PRELID2: variants seen among roughly 807,000 people sequenced by gnomAD.
The protein encoded by PRELID2 is PRELI domain containing 2.
PRELID2 carries 25 observed loss-of-function variants against 28.4 expected under a neutral mutation model. That is an observed-to-expected ratio of 0.88 (90% CI 0.64 to 1.23). PRELID2 has a LOEUF of 1.23. PRELID2 is among the 50% of genes most tolerant of loss of function. The pLI is 0.00. For synonymous variants in PRELID2, 76 were observed against 71.6 expected, an observed-to-expected ratio of 1.06 and a Z score of -0.31; for missense variants, 201 against 214.4, an observed-to-expected ratio of 0.94 and a Z score of 0.39.
At chr5:145,515,928 C>A (rs1247812108) in intron 1 of PRELID2, among the ~76,000 whole-genome samples, 1 of 152,092 alleles carries the variant, frequency 6.6e-6, no homozygotes, top group Admixed American at 6.6e-5. Flanking sequence ...AGGCCTTTGA[C>A]AAAATTCAAC....
At chr5:145,830,929 T>A (rs1755542117) in intron 1 of PRELID2, among the ~76,000 whole-genome samples, 1 of 152,174 alleles carries the variant, frequency 6.6e-6, no homozygotes, top group African/African-American at 2.4e-5. Context: ...GATCAGTAGA[T>A]CTGATTTAAA....
At chr5:145,395,292 C>T in the PRELID2 span, among the ~76,000 whole-genome samples, 1 of 152,098 alleles carries the variant, frequency 6.6e-6, no homozygotes, top group Non-Finnish European at 1.5e-5. Context: ...TCCATGAAAA[C>T]GACAGGAATT....
the PRELID2 span, among the ~76,000 whole-genome samples, chr5:145,317,166 G>A: frequency 6.6e-6 from 1 of 152,180 alleles, no homozygotes; most frequent in East Asian, 1.9e-4. Flanking sequence ...AGTTTAATAG[G>A]TGCTTTCAAG....
chr5:145,369,037 C>T, the PRELID2 span, among the ~76,000 whole-genome samples: 3 of 151,768 alleles, frequency 2.0e-5, no homozygotes, highest in Non-Finnish European at 4.4e-5. Context: ...CATCATTGAT[C>T]TCCCACTTAT....
intron 1 of PRELID2, among the ~76,000 whole-genome samples, chr5:145,660,370 A>G (rs916318854): frequency 6.6e-6 from 1 of 152,198 alleles, no homozygotes; most frequent in African/African-American, 2.4e-5. Context: ...CCAAGGCAGG[A>G]CCACACTACT....
chr5:145,522,886 A>G (rs1752575708), intron 1 of PRELID2, among the ~76,000 whole-genome samples: 1 of 152,048 alleles, frequency 6.6e-6, no homozygotes, highest in Non-Finnish European at 1.5e-5. Flanking sequence ...AGGAGAGAAA[A>G]GAAAGAAGGA....
chr5:145,309,739 G>T, the PRELID2 span, among the ~76,000 whole-genome samples: 1 of 152,068 alleles, frequency 6.6e-6, no homozygotes, highest in Non-Finnish European at 1.5e-5. Context: ...AACAAAAAAA[G>T]GTTCAGTAAC....
the PRELID2 span, among the ~76,000 whole-genome samples, chr5:145,272,678 A>G: frequency 1.3e-5 from 2 of 152,140 alleles, no homozygotes; most frequent in Admixed American, 6.6e-5. Flanking sequence ...ATTTAAATAT[A>G]TATACATGTT....
intron 1 of PRELID2, among the ~76,000 whole-genome samples, chr5:145,623,152 T>A (rs1463210783): frequency 6.6e-6 from 1 of 151,780 alleles, no homozygotes; most frequent in African/African-American, 2.4e-5. Flanking sequence ...TAAGACCTCA[T>A]TTAAACTAAA....
chr5:145,315,131 G>A, the PRELID2 span, among the ~76,000 whole-genome samples: 97 of 143,028 alleles, frequency 6.8e-4, 2 homozygotes, highest in East Asian at 0.015. Flanking sequence ...GTGCAATGGC[G>A]TGATCTCAGC....
Position 145,740,618 on chromosome 5 carries a change from A to ATATATATTT in PRELID2, n.70+24312_70+24313insAAATATATA, listed in dbSNP as rs1205823932. 3.8e-4 allele frequency among the ~76,000 whole-genome samples: 3 copies of ATATATATTT among 7,862 alleles called. No homozygotes were observed. In the East Asian group the frequency reaches 0.056, roughly 146 times the overall value. The allele number at this position is 7,862 out of a possible 152,430, so 5.2% of individuals were successfully genotyped here. A position where few individuals can be genotyped will look rare whatever the true frequency, so the allele number is the denominator to read the frequency against. Reference sequence around the variant, plus strand: ...ATATATATATATTATATATATAAATATATATATATTATATATATAAATATA... The same window carrying ATATATATTT: ...ATATATATATATTATATATATAAATATATATATTTTATATATATTATATATATAAATATA... On this transcript the variant is annotated intron_variant and non_coding_transcript_variant, in intron 1 of 2. Coordinates refer to the PRELID2 transcript ENST00000510259.
At chr5:145,792,090 G>GT in intron 5 of PRELID2, among the ~76,000 whole-genome samples, 1 of 152,176 alleles carries the variant, frequency 6.6e-6, no homozygotes, top group Admixed American at 6.5e-5. Flanking sequence ...TCATTACCGT[G>GT]TATCACATCG....
chr5:145,334,224 C>A, the PRELID2 span, among the ~76,000 whole-genome samples: 1 of 152,172 alleles, frequency 6.6e-6, no homozygotes, highest in Non-Finnish European at 1.5e-5. Flanking sequence ...ATTTGGCCAT[C>A]TTGCCATCTG....
intron 5 of PRELID2, among the ~76,000 whole-genome samples, chr5:145,785,191 T>C (rs1242128093): frequency 6.6e-6 from 1 of 152,092 alleles, no homozygotes; most frequent in Non-Finnish European, 1.5e-5. Flanking sequence ...TAAAATGGGG[T>C]TTATGATCAC....
intron 1 of PRELID2, among the ~76,000 whole-genome samples, chr5:145,517,422 A>T (rs953186600): frequency 6.6e-6 from 1 of 152,216 alleles, no homozygotes; most frequent in Non-Finnish European, 1.5e-5. Context: ...CAGAAATGCA[A>T]ATCAAAACCA....
At chr5:145,410,358 A>G in the PRELID2 span, among the ~76,000 whole-genome samples, 2 of 152,238 alleles carry the variant, frequency 1.3e-5, no homozygotes, top group Non-Finnish European at 2.9e-5. Context: ...AGAAATGATC[A>G]GCAGTGTTAA....
At chr5:145,728,939 C>A in intron 1 of PRELID2, 1 of 811,920 alleles carries the variant, frequency 1.2e-6, no homozygotes, top group Non-Finnish European at 2.2e-6. Context: ...CAGAGAAACT[C>A]AAAACCACAG....
chr5:145,650,835 G>A (rs1754283554), intron 1 of PRELID2, among the ~76,000 whole-genome samples: 2 of 152,014 alleles, frequency 1.3e-5, no homozygotes, highest in Admixed American at 6.6e-5. Flanking sequence ...TGTGAGCGAT[G>A]CAGAAGACGG....
intron 4 of PRELID2, among the ~76,000 whole-genome samples, chr5:145,809,546 C>T (rs977962268): frequency 6.6e-6 from 1 of 152,196 alleles, no homozygotes; most frequent in African/African-American, 2.4e-5. Context: ...CCCGGCCTCC[C>T]GTAGTGCTGG....
Sources: gnomAD v4.1 joint callset for allele counts (sites outside exome capture counted in the v4.1 genomes callset) on GRCh38, gnomAD v4.1.1 for gene constraint, MANE v1.5 for transcripts, NCBI Gene and HGNC (gene_info 2026-07-23, HGNC 2026-07-21) for gene names.